Variants in ZFPM2 observed in about 807,000 individuals in gnomAD.
The protein encoded by ZFPM2 is zinc finger protein, FOG family member 2.
A neutral mutation model predicts 98.6 loss-of-function variants in ZFPM2; 20 were observed. That is an observed-to-expected ratio of 0.20 (90% CI 0.14 to 0.29). The LOEUF (loss-of-function observed/expected upper bound fraction) is 0.29, where lower values mean the gene tolerates loss of function less well. ZFPM2 is among the 10% of genes least tolerant of loss of function. ZFPM2 has a pLI of 1.00. For missense variants in ZFPM2, 1,310 were observed against 1,388.6 expected, an observed-to-expected ratio of 0.94 and a Z score of 0.90; for synonymous variants, 518 against 502.7, an observed-to-expected ratio of 1.03 and a Z score of -0.41.
At chr8:105,381,091 A>C (rs10095725) in intron 1 of ZFPM2, among the ~76,000 whole-genome samples, 3 of 135,754 alleles carry the variant, frequency 2.2e-5, no homozygotes, top group African/African-American at 2.8e-5. Context: ...CCCACCCCTC[A>C]ACAGGCCCTG....
intron 4 of ZFPM2, among the ~76,000 whole-genome samples, chr8:105,623,025 GA>G (rs1400544229): frequency 6.6e-6 from 1 of 151,958 alleles, no homozygotes; most frequent in Non-Finnish European, 1.5e-5. Context: ...TACAATATTT[GA>G]ATTGATGGAA....
At chr8:105,323,446 T>G (rs954656174) in intron 1 of ZFPM2, among the ~76,000 whole-genome samples, 2 of 151,954 alleles carry the variant, frequency 1.3e-5, no homozygotes, top group Admixed American at 6.6e-5. Context: ...CATTTTTGAC[T>G]GAGCAACATT....
intron 1 of ZFPM2, among the ~76,000 whole-genome samples, chr8:105,396,661 A>G (rs1432524728): frequency 6.6e-6 from 1 of 152,220 alleles, no homozygotes; most frequent in African/African-American, 2.4e-5. Context: ...CCGTTAGTGC[A>G]TGTTTATCAT....
At chr8:105,382,702 A>G (rs1191807590) in intron 1 of ZFPM2, among the ~76,000 whole-genome samples, 2 of 150,612 alleles carry the variant, frequency 1.3e-5, no homozygotes, top group Non-Finnish European at 2.9e-5. Flanking sequence ...TATGATGGAA[A>G]GACTAAGTAT....
intron 5 of ZFPM2, among the ~76,000 whole-genome samples, chr8:105,777,290 T>A (rs1448299382): frequency 1.3e-5 from 2 of 152,208 alleles, no homozygotes; most frequent in Non-Finnish European, 2.9e-5. Flanking sequence ...GTAAAATGTG[T>A]TTTAACATAA....
At position 105,601,311 on chromosome 8, in the gene ZFPM2, G is replaced by A. The variant is rs118028865; in HGVS notation, c.421-32935G>A. Among the ~76,000 whole-genome samples the A allele has an allele frequency of 9.1e-3, 1,389 of 152,236 alleles. 7 individuals are homozygous for A. Among genetic ancestry groups the A allele is most frequent in the Middle Eastern group, 0.014 (4 of 294 alleles). On this transcript the variant is annotated intron_variant, in intron 4 of 7. Coordinates refer to ENST00000407775, the MANE Select transcript of ZFPM2 (RefSeq NM_012082.4). ...TGGCACATGGTAGGGCCTGCAGATG[G>A]CAGTGACTAGTGCCATTATTGCCTG... is the stretch of plus-strand genomic sequence containing the variant.
chr8:105,347,415 A>G (rs1032195535), intron 1 of ZFPM2, among the ~76,000 whole-genome samples: 6 of 152,230 alleles, frequency 3.9e-5, no homozygotes, highest in Admixed American at 2.0e-4. Flanking sequence ...AGATATATCC[A>G]TAAACCTTAA....
chr8:105,675,291 C>G (rs1329989114), intron 5 of ZFPM2, among the ~76,000 whole-genome samples: 1 of 152,062 alleles, frequency 6.6e-6, no homozygotes, highest in Non-Finnish European at 1.5e-5. Flanking sequence ...AACTTGTGCA[C>G]CCAAGCCATT....
intron 6 of ZFPM2, among the ~76,000 whole-genome samples, chr8:105,795,246 T>TTGTG (rs780534248): frequency 0.091 from 12,611 of 138,142 alleles, 682 homozygotes; most frequent in African/African-American, 0.12. Flanking sequence ...CATTTTATCT[T>TTGTG]TGTGTGTGTG....
chr8:105,745,015 T>A (rs1812310708), intron 5 of ZFPM2, among the ~76,000 whole-genome samples: 2 of 152,164 alleles, frequency 1.3e-5, no homozygotes, highest in Non-Finnish European at 1.5e-5. Context: ...TCTGCATTCA[T>A]AGAATATTAT....
chr8:105,514,282 C>T (rs1270460497), intron 3 of ZFPM2, among the ~76,000 whole-genome samples: 41 of 144,082 alleles, frequency 2.8e-4, no homozygotes, highest in Admixed American at 2.0e-3. Context: ...GGATTACAGG[C>T]GTGAGCCACC....
At chr8:105,435,144 C>T (rs1812095354) in intron 2 of ZFPM2, among the ~76,000 whole-genome samples, 2 of 152,120 alleles carry the variant, frequency 1.3e-5, no homozygotes, top group Non-Finnish European at 2.9e-5. Flanking sequence ...CTTCAATTTC[C>T]TCCTATAGGA....
chr8:105,504,624 G>A (rs934259717), intron 3 of ZFPM2, among the ~76,000 whole-genome samples: 22 of 152,164 alleles, frequency 1.4e-4, no homozygotes, highest in African/African-American at 4.8e-4. Context: ...ATAACATGCA[G>A]ACAATAAGGA....
intron 5 of ZFPM2, among the ~76,000 whole-genome samples, chr8:105,744,146 A>G (rs1189540540): frequency 2.0e-5 from 3 of 152,110 alleles, no homozygotes; most frequent in Non-Finnish European, 4.4e-5. Flanking sequence ...CTTTTCCAAC[A>G]CGGCTAAAGA....
intron 3 of ZFPM2, among the ~76,000 whole-genome samples, chr8:105,524,276 C>G (rs944372865): frequency 1.3e-5 from 2 of 152,062 alleles, no homozygotes; most frequent in African/African-American, 4.8e-5. Context: ...ACCATAAATT[C>G]TGTAAGAGGA....
intron 2 of ZFPM2, among the ~76,000 whole-genome samples, 181 bp downstream of exon 2, chr8:105,419,483 C>T (rs893216834): frequency 2.6e-5 from 4 of 151,974 alleles, no homozygotes; most frequent in Non-Finnish European, 4.4e-5. Flanking sequence ...CTCTAATAAC[C>T]AGTAATTTTT....
chr8:105,472,889 C>CT (rs5893744), intron 3 of ZFPM2, among the ~76,000 whole-genome samples: 18,675 of 109,196 alleles, frequency 0.17, 1,560 homozygotes, highest in African/African-American at 0.21. Flanking sequence ...CTAAAGGGAC[C>CT]TTTTTTTTTT....
chr8:105,558,552 A>G (rs1815052572), intron 3 of ZFPM2, among the ~76,000 whole-genome samples: 1 of 152,194 alleles, frequency 6.6e-6, no homozygotes, highest in African/African-American at 2.4e-5. Flanking sequence ...ACATTTGGAT[A>G]TCACTTTACA....
chr8:105,520,083 C>CAAACAAAAT (rs1814017733), intron 3 of ZFPM2, among the ~76,000 whole-genome samples: 1 of 151,488 alleles, frequency 6.6e-6, no homozygotes, highest in Non-Finnish European at 1.5e-5. Context: ...AAGACTATAC[C>CAAACAAAAT]AAAGGGAACA....
Sources: gnomAD v4.1 joint callset for allele counts (sites outside exome capture counted in the v4.1 genomes callset) on GRCh38, gnomAD v4.1.1 for gene constraint, MANE v1.5 for transcripts, NCBI Gene and HGNC (gene_info 2026-07-23, HGNC 2026-07-21) for gene names.